The following AGA variants were observed in gnomAD, a reference collection of about 807,000 sequenced individuals.
AGA encodes N(4)-(beta-N-acetylglucosaminyl)-L-asparaginase.
AGA carries 31 observed loss-of-function variants against 40.1 expected under a neutral mutation model. The ratio of observed to expected loss-of-function variants is 0.77; its 90% confidence interval spans 0.58 to 1.04. The LOEUF (loss-of-function observed/expected upper bound fraction) is 1.04. AGA is among the 50% of genes least tolerant of loss of function. The pLI is 0.00. For missense variants in AGA, 445 were observed against 435.4 expected, an observed-to-expected ratio of 1.02 and a Z score of -0.20; for synonymous variants, 148 against 144.0, an observed-to-expected ratio of 1.03 and a Z score of -0.20.
intron 1 of AGA, 131 bp downstream of exon 1, chr4:177,442,118 G>C (rs1737041587): frequency 7.4e-7 from 1 of 1,349,322 alleles, no homozygotes; most frequent in East Asian, 2.5e-5. Context: ...CCTAGAGGGC[G>C]GGACCGCGAG....
At chr4:177,438,142 G>A (rs1051316577) in intron 4 of AGA, among the ~76,000 whole-genome samples, 5 of 152,048 alleles carry the variant, frequency 3.3e-5, no homozygotes, top group Non-Finnish European at 7.4e-5. Context: ...CCCTAACTTC[G>A]TTTTATGATT....
rs757798390 is a variant in AGA, at chr4:177,439,705, T to C, written c.282-17A>G. The C allele has an allele frequency of 1.9e-6, 3 of 1,560,848 alleles. No individual in the cohort carries two copies. Among genetic ancestry groups the C allele is most frequent in the Non-Finnish European group, 2.7e-6 (3 of 1,131,650 alleles). ...ATAGTAGTGCTGCAAGAAAATAGAA[T>C]GCAGTTAGGAATTAAGGAGTTTTCA... On this transcript the variant is annotated splice_polypyrimidine_tract_variant and intron_variant, in intron 2 of 8. Transcript: ENST00000264595.
chr4:177,432,790 T>C (rs1192519067), intron 8 of AGA, among the ~76,000 whole-genome samples: 6 of 152,200 alleles, frequency 3.9e-5, no homozygotes, highest in African/African-American at 1.2e-4. Context: ...TAATTAGTAA[T>C]ACATTTTGTT....
At chr4:177,436,252 C>G in intron 6 of AGA, 24 bp downstream of exon 6, 1 of 1,582,808 alleles carries the variant, frequency 6.3e-7, no homozygotes. Flanking sequence ...TATTTGAGAG[C>G]TCTGTTCTTT....
At chr4:177,434,927 T>C (rs1579040851) in intron 6 of AGA, among the ~76,000 whole-genome samples, 1 of 150,052 alleles carries the variant, frequency 6.7e-6, no homozygotes, top group East Asian at 2.0e-4. Flanking sequence ...GAGACAGGAG[T>C]CTTGCTCTGT....
chr4:177,434,452 A>T lies in AGA; in HGVS notation c.736T>A (p.Tyr246Asn), dbSNP rs1161391721. 1.9e-5 allele frequency: 31 copies of T among 1,614,046 alleles called. No homozygotes were observed. The highest frequency in any genetic ancestry group is 2.6e-5 in the Non-Finnish European group (31 of 1,180,044). Reference sequence around the variant, plus strand: ...GCTGCCCCTGCAGTATCGTCAGCATAGGCTCCAGCTCCAGGTATTGGTGAG... The same window carrying T: ...GCTGCCCCTGCAGTATCGTCAGCATTGGCTCCAGCTCCAGGTATTGGTGAG... ...GDSPIPGAGA[Y>N]ADDTAGAAAA... Residue 246 changes from tyrosine to asparagine, a missense_variant, in exon 7 of 9, where the codon TAT (tyrosine) becomes AAT (asparagine). Tyr to Asn is a moderately radical substitution (Grantham distance 143). Transcript: ENST00000264595.
rs369583737 is a variant in AGA at position 177,442,227 on chromosome 4, C to T, written c.127+22G>A. On this transcript the variant is annotated intron_variant, in intron 1 of 8. Transcript: ENST00000264595. Reference sequence around the variant, plus strand: ...CGCAAGCTCTCGCGGCGCAGCCGCCCGCCCAGGCCGCCAACCCGCACCTGC... The same window carrying T: ...CGCAAGCTCTCGCGGCGCAGCCGCCTGCCCAGGCCGCCAACCCGCACCTGC... 5.8e-4 allele frequency: 939 copies of T among 1,612,676 alleles called. 2 individuals are homozygous for T. Among genetic ancestry groups the T allele is most frequent in the Non-Finnish European group, 7.2e-4 (847 of 1,179,486 alleles).
chr4:177,435,707 A>C (rs916584761), intron 6 of AGA, among the ~76,000 whole-genome samples: 8 of 150,820 alleles, frequency 5.3e-5, no homozygotes, highest in Admixed American at 4.0e-4. Flanking sequence ...ATACACACAC[A>C]CCCCCACACC....
intron 4 of AGA, among the ~76,000 whole-genome samples, chr4:177,438,337 A>G (rs1736888629): frequency 6.6e-6 from 1 of 152,210 alleles, no homozygotes; most frequent in African/African-American, 2.4e-5. Context: ...AACATACTAG[A>G]CATGTAATAT....
Position 177,433,351 on chromosome 4 carries a change from A to G in AGA, c.807-4T>C, listed in dbSNP as rs1180059135. ...CATGTATTCTACAGCTTGGTAGCTG[A>G]TTGAAACAGAGGTGAAACCTTAGTG... On this transcript the variant is annotated splice_region_variant and splice_polypyrimidine_tract_variant and intron_variant, in intron 7 of 8. Coordinates refer to ENST00000264595, the MANE Select transcript of AGA (RefSeq NM_000027.4). The G allele has an allele frequency of 1.2e-6, 2 of 1,613,906 alleles. No individual in the cohort carries two copies. The highest frequency in any genetic ancestry group is 3.3e-5 in the Admixed American group (2 of 60,012).
Position 177,430,921 on chromosome 4 carries a change from A to T in AGA, c.*787T>A, listed in dbSNP as rs1560944181. 2 of 454,108 alleles carry T rather than the reference A, an allele frequency of 4.4e-6. No homozygotes were observed. Among genetic ancestry groups the T allele is most frequent in the South Asian group, 3.1e-5 (2 of 64,474 alleles). 28.1% of individuals were successfully genotyped at this position (454,108 alleles called of 1,614,324 possible). A position where few individuals can be genotyped will look rare whatever the true frequency, so the allele number is the denominator to read the frequency against. On this transcript the variant is annotated 3_prime_UTR_variant, in exon 9 of 9. Coordinates refer to ENST00000264595, the MANE Select transcript of AGA (RefSeq NM_000027.4). ...AGAAGTTAGGGAAACAAACCAAGCT[A>T]AACAACCCATTTCTTGACTTCTAAT...
At chr4:177,431,937 A>T (rs1736648248) in intron 8 of AGA, 129 bp from the exon 9 acceptor site, 6 of 769,152 alleles carry the variant, frequency 7.8e-6, no homozygotes, top group Non-Finnish European at 1.3e-5. Flanking sequence ...ATGGAAATAC[A>T]CTAGTGTCAT....
At chr4:177,436,411 A>ATT (rs1736822004) in intron 5 of AGA, 60 bp from the exon 6 acceptor site, 3 of 1,290,368 alleles carry the variant, frequency 2.3e-6, no homozygotes, top group Non-Finnish European at 2.2e-6. Flanking sequence ...AATATAACCA[A>ATT]ATAATTGAGC....
chr4:177,440,664 T>C (rs1736971296), intron 1 of AGA, among the ~76,000 whole-genome samples: 1 of 151,612 alleles, frequency 6.6e-6, no homozygotes, highest in African/African-American at 2.4e-5. Flanking sequence ...TTTTTTTTTT[T>C]CACTTACTAA....
chr4:177,439,933 T>C, intron 2 of AGA: 1 of 589,978 alleles, frequency 1.7e-6, no homozygotes, highest in South Asian at 2.0e-5. Flanking sequence ...CCAAGCTAAT[T>C]TTAAATATGG....
rs748949544 is a variant in AGA, at chr4:177,434,500, G to T, written c.699-11C>A. The T allele has an allele frequency of 3.1e-6, 5 of 1,610,236 alleles. No individual in the cohort carries two copies. In the East Asian group the frequency reaches 6.7e-5, roughly 22 times the overall value. On this transcript the variant is annotated splice_polypyrimidine_tract_variant and intron_variant, in intron 6 of 8. Coordinates refer to ENST00000264595, the MANE Select transcript of AGA (RefSeq NM_000027.4). ...GAGTCTCCTACACGGCTTTGAGAGG[G>T]TATTAACAATTTACGGCAGGAAATC...
intron 1 of AGA, 141 bp downstream of exon 1, chr4:177,442,108 C>G (rs1002260541): frequency 4.1e-5 from 52 of 1,261,582 alleles, no homozygotes; most frequent in Middle Eastern, 2.7e-4. Context: ...CTCGGGAAGA[C>G]CTAGAGGGCG....
Position 177,438,816 on chromosome 4 carries a change from A to G in AGA, c.436T>C (p.Leu146=). Reference sequence around the variant, plus strand: ...AGAGCTTGAGAAGCAGTGGTAGATAAGTCTTCATTGATAAACCCCATACTT... The same window carrying G: ...AGAGCTTGAGAAGCAGTGGTAGATAGGTCTTCATTGATAAACCCCATACTT... The part of the protein sequence containing the change: ...AQSMGFINED[L]STTASQALHS... Residue 146 remains leucine, a synonymous_variant, in exon 4 of 9, where the codon TTA becomes CTA. Coordinates refer to ENST00000264595, the MANE Select transcript of AGA (RefSeq NM_000027.4). The G allele has an allele frequency of 6.2e-7, 1 of 1,610,492 alleles. No homozygotes were observed. Among genetic ancestry groups the G allele is most frequent in the African/African-American group, 1.3e-5 (1 of 75,012 alleles).
In AGA at chr4:177,439,897, C is replaced by A. The variant is rs4690522; in HGVS notation, c.282-209G>T. ...TAGAAAATCAACTTGCCATGTACCA[C>A]AACAGCACTAAAATTCTCAGTTTCT... On this transcript the variant is annotated intron_variant, in intron 2 of 8. Transcript: ENST00000264595. 186,588 of 605,112 alleles carry A rather than the reference C, an allele frequency of 0.31. 30,143 individuals carry two copies. Among genetic ancestry groups the A allele is most frequent in the Non-Finnish European group, 0.34 (117,308 of 342,942 alleles). The allele number at this position is 605,112 out of a possible 1,614,324, so 37.5% of individuals were successfully genotyped here. A position where few individuals can be genotyped will look rare whatever the true frequency, so the allele number is the denominator to read the frequency against.
Sources: gnomAD v4.1 joint callset for allele counts (sites outside exome capture counted in the v4.1 genomes callset) on GRCh38, gnomAD v4.1.1 for gene constraint, MANE v1.5 for transcripts, NCBI Gene and HGNC (gene_info 2026-07-23, HGNC 2026-07-21) for gene names.